Variants in TANC1 observed in about 807,000 individuals in gnomAD.
TANC1 encodes the protein tetratricopeptide repeat, ankyrin repeat and coiled-coil containing 1.
Under a neutral mutation model 149.7 loss-of-function variants are expected in TANC1, and 77 were observed. The ratio of observed to expected loss-of-function variants is 0.51; its 90% CI spans 0.43 to 0.62. The LOEUF is 0.62. Ranked by LOEUF, TANC1 falls within the 20% of genes least tolerant of loss-of-function variation. The pLI is 0.00. For missense variants in TANC1, 1,985 were observed against 2,321.8 expected (o/e 0.85, Z 2.98); for synonymous variants, 854 against 925.0 (o/e 0.92, Z 1.39).
chr2:159,071,131 G>A (rs964339438), intron 3 of TANC1, among the ~76,000 whole-genome samples: 2 of 152,154 alleles, frequency 1.3e-5, no homozygotes, highest in Non-Finnish European at 2.9e-5. Flanking sequence ...TCAATCTGTA[G>A]TGTTTTGCCC....
intron 3 of TANC1, among the ~76,000 whole-genome samples, chr2:159,077,033 T>G (rs2043765069): frequency 6.6e-6 from 1 of 152,114 alleles, no homozygotes; most frequent in South Asian, 2.1e-4. Flanking sequence ...GAAGGATTAT[T>G]TGTGAGATTC....
intron 2 of TANC1, among the ~76,000 whole-genome samples, chr2:159,041,589 G>C (rs544935849): frequency 1.3e-5 from 2 of 152,374 alleles, no homozygotes; most frequent in East Asian, 1.9e-4. Flanking sequence ...GACCCGCTGA[G>C]CCAGGTGCAG....
At chr2:159,115,080 A>C (rs985194057) in intron 4 of TANC1, among the ~76,000 whole-genome samples, 4 of 152,180 alleles carry the variant, frequency 2.6e-5, no homozygotes, top group Non-Finnish European at 4.4e-5. Flanking sequence ...CCAGTTTGGC[A>C]AGAGATGACA....
intron 5 of TANC1, among the ~76,000 whole-genome samples, chr2:159,136,774 T>A (rs1302112244): frequency 7.5e-6 from 1 of 133,406 alleles, no homozygotes; most frequent in Non-Finnish European, 1.6e-5. Context: ...CTTTAGGGGA[T>A]GTTGAAGTAG....
At chr2:159,176,811 G>A (rs1223113207) in intron 13 of TANC1, among the ~76,000 whole-genome samples, 2 of 152,042 alleles carry the variant, frequency 1.3e-5, no homozygotes, top group African/African-American at 4.8e-5. Context: ...GGGCCAAGAG[G>A]CCTGCCAGAG....
chr2:159,013,840 A>G (rs939013466), intron 2 of TANC1, among the ~76,000 whole-genome samples: 6 of 152,202 alleles, frequency 3.9e-5, no homozygotes, highest in Admixed American at 3.9e-4. Flanking sequence ...AGTTATACAG[A>G]GGCTGGAAGT....
At chr2:158,994,019 A>G (rs1312749252) in intron 1 of TANC1, among the ~76,000 whole-genome samples, 6 of 152,238 alleles carry the variant, frequency 3.9e-5, no homozygotes, top group Admixed American at 3.3e-4. Flanking sequence ...TGTTTGGACC[A>G]TGCACTAGTG....
chr2:158,988,022 A>G (rs1303752275), intron 1 of TANC1, among the ~76,000 whole-genome samples: 1 of 152,104 alleles, frequency 6.6e-6, no homozygotes, highest in Non-Finnish European at 1.5e-5. Context: ...GTTGTGGTTG[A>G]TGGTTATCAA....
rs201176314 is a variant in TANC1 at position 159,230,938 on chromosome 2, A to G, written c.5512A>G (p.Ile1838Val). The change falls in exon 27 of 27, where the codon ATT becomes GTT. Residue 1838 changes from isoleucine (I) to valine (V), a missense_variant. This residue lies in a region of TANC1 where 920 missense variants were observed against 994.7 expected (regional missense o/e 0.92). Transcript: ENST00000263635. This position sits in a 1 kb window ranked among gnomAD's most constrained non-coding sequence, Gnocchi z 4.4. ...AAGTATCTCCAAACAGCAGCCTCAT[A>G]TTAGTAATGAAGCCCACAGGAGCCA... ...QESISKQQPHISNEAHRSHLT... is the reference protein window; with the variant it reads ...QESISKQQPHVSNEAHRSHLT... 101 of 1,614,172 alleles carry G rather than the reference A, an allele frequency of 6.3e-5. No individual in the cohort carries two copies. Among genetic ancestry groups the G allele is most frequent in the Non-Finnish European group, 8.0e-5 (94 of 1,180,022 alleles).
At chr2:159,055,312 C>T (rs967056533) in intron 2 of TANC1, among the ~76,000 whole-genome samples, 2 of 152,224 alleles carry the variant, frequency 1.3e-5, no homozygotes, top group African/African-American at 2.4e-5. Flanking sequence ...AGCTTTTTAG[C>T]TGCATGGCTA....
intron 19 of TANC1, among the ~76,000 whole-genome samples, chr2:159,210,572 T>TG (rs2058917331): frequency 1.3e-5 from 2 of 152,094 alleles, no homozygotes; most frequent in South Asian, 4.1e-4. Flanking sequence ...TTTGTTTGTT[T>TG]TTTGTTTTTT....
At chr2:159,161,922 A>G (rs1170308363) in intron 7 of TANC1, among the ~76,000 whole-genome samples, 1 of 152,238 alleles carries the variant, frequency 6.6e-6, no homozygotes, top group East Asian at 1.9e-4. Flanking sequence ...AGCACTTACT[A>G]TGTGCTGTGC....
At position 159,177,573 on chromosome 2, in the gene TANC1, A is replaced by G. The variant is rs547966951; in HGVS notation, c.1903-983A>G. On this transcript the variant is annotated intron_variant, in intron 13 of 26. Transcript: ENST00000263635. ...TTTACATAGTAAGCACAATTTGTCC[A>G]TCAGTAGATCATAGGAACCAGGAAT... is the stretch of plus-strand genomic sequence containing the variant. Among the ~76,000 whole-genome samples the G allele has an allele frequency of 2.2e-3, 337 of 152,336 alleles. 3 individuals are homozygous for G. The highest frequency in any genetic ancestry group is 7.9e-3 in the African/African-American group (327 of 41,584).
intron 19 of TANC1, among the ~76,000 whole-genome samples, chr2:159,216,759 C>T (rs1575318822): frequency 2.0e-5 from 3 of 152,148 alleles, no homozygotes; most frequent in Non-Finnish European, 2.9e-5. Context: ...CACTTGGGCC[C>T]TCTACAGTTG....
chr2:159,150,319 C>G (rs111280297), intron 6 of TANC1, 51 bp from the exon 7 acceptor site: 1 of 1,475,614 alleles, frequency 6.8e-7, no homozygotes, highest in Non-Finnish European at 9.3e-7. Context: ...AAGCATGTGT[C>G]GAAGCATCCT....
At chr2:158,999,867 C>A (rs997505718) in intron 1 of TANC1, among the ~76,000 whole-genome samples, 8 of 152,172 alleles carry the variant, frequency 5.3e-5, no homozygotes, top group Non-Finnish European at 1.0e-4. Context: ...GACAGACAAT[C>A]AAAAATTAGC....
intron 3 of TANC1, among the ~76,000 whole-genome samples, chr2:159,087,531 A>G (rs1190215202): frequency 7.0e-6 from 1 of 142,232 alleles, no homozygotes; most frequent in African/African-American, 2.6e-5. Flanking sequence ...TTTTTGACAC[A>G]GGGTCTCCTT....
At chr2:159,219,629 A>C (rs10490004) in intron 21 of TANC1, 63 bp from the exon 22 acceptor site, 4 of 1,600,400 alleles carry the variant, frequency 2.5e-6, no homozygotes, top group Non-Finnish European at 3.4e-6. Flanking sequence ...GGTGTGAAAC[A>C]ATTTGCTTTC....
intron 4 of TANC1, 79 bp downstream of exon 4, chr2:159,097,913 G>A: frequency 8.3e-7 from 1 of 1,205,226 alleles, no homozygotes; most frequent in Non-Finnish European, 1.2e-6. Flanking sequence ...GTGCCCATGA[G>A]AAATCTTCTG....
Sources: allele counts gnomAD v4.1 joint callset (sites outside exome capture counted in the v4.1 genomes callset), GRCh38; gene constraint gnomAD v4.1.1; regional missense constraint gnomAD v4.1.1; non-coding constraint Gnocchi (gnomAD v3.1); transcripts MANE v1.5; gene names NCBI Gene and HGNC (gene_info 2026-07-23, HGNC 2026-07-21).